Variants in THRB observed in about 807,000 individuals in gnomAD.
THRB encodes the protein thyroid hormone receptor beta, also known as nuclear receptor subfamily 1 group A member 2.
THRB carries 12 observed loss-of-function variants against 47.8 expected under a neutral mutation model. The observed-to-expected ratio is 0.25, with a 90% CI of 0.16 to 0.41. The LOEUF is 0.41. Among genes scored for constraint, THRB ranks in the 10% least tolerant of loss-of-function variants. The pLI, the probability that THRB is intolerant of heterozygous loss-of-function variation, is 1.00. For synonymous variants in THRB, 218 were observed against 212.2 expected, an observed-to-expected ratio of 1.03 and a Z score of -0.24; for missense variants, 348 against 589.2, an observed-to-expected ratio of 0.59 and a Z score of 4.24.
At chr3:24,343,612 C>T (rs2062823116) in intron 1 of THRB, among the ~76,000 whole-genome samples, 1 of 151,994 alleles carries the variant, frequency 6.6e-6, no homozygotes, top group Non-Finnish European at 1.5e-5. Context: ...AAACATAAAG[C>T]ATATATATCA....
intron 1 of THRB, among the ~76,000 whole-genome samples, chr3:24,392,937 C>T (rs2066686781): frequency 6.6e-6 from 1 of 152,048 alleles, no homozygotes; most frequent in Non-Finnish European, 1.5e-5. Flanking sequence ...TTTAAAAGGA[C>T]ATATATAATA....
intron 3 of THRB, among the ~76,000 whole-genome samples, chr3:24,231,511 AGT>A (rs1256037104): frequency 4.6e-5 from 7 of 152,134 alleles, no homozygotes; most frequent in African/African-American, 1.7e-4. Context: ...TCAGTATTTT[AGT>A]GTTACTGTTA....
chr3:24,394,157 G>C (rs1181906347), intron 1 of THRB, among the ~76,000 whole-genome samples: 1 of 152,106 alleles, frequency 6.6e-6, no homozygotes, highest in Non-Finnish European at 1.5e-5. Context: ...ATAAAATTCT[G>C]TGCCTATTTT....
chr3:24,495,130 T>TA (rs1213342842), upstream of THRB: 1 of 151,882 alleles, frequency 6.6e-6, no homozygotes, highest in African/African-American at 2.4e-5. Context: ...GGCGCTGTCT[T>TA]ACTCCGGGCC....
chr3:24,413,878 A>G (rs555599357), intron 1 of THRB, among the ~76,000 whole-genome samples: 1 of 151,974 alleles, frequency 6.6e-6, no homozygotes, highest in Non-Finnish European at 1.5e-5. Context: ...GGATGGATGA[A>G]GCTGGAAACC....
intron 1 of THRB, among the ~76,000 whole-genome samples, chr3:24,376,788 A>G (rs911511394): frequency 6.6e-5 from 10 of 152,150 alleles, no homozygotes; most frequent in African/African-American, 2.2e-4. Context: ...AACAAAACTC[A>G]TTACTCTTTA....
At chr3:24,247,603 C>T (rs146993349) in intron 3 of THRB, among the ~76,000 whole-genome samples, 2 of 152,208 alleles carry the variant, frequency 1.3e-5, no homozygotes, top group Non-Finnish European at 2.9e-5. Context: ...ATTTATATTG[C>T]CTTTTTACAC....
chr3:24,448,194 T>C (rs527350927), intron 1 of THRB, among the ~76,000 whole-genome samples: 8 of 152,264 alleles, frequency 5.3e-5, no homozygotes, highest in African/African-American at 1.9e-4. Context: ...TTGAGTTCTC[T>C]TGGTTTTCAC....
chr3:24,277,881 T>C (rs2054098498), intron 3 of THRB, among the ~76,000 whole-genome samples: 1 of 152,218 alleles, frequency 6.6e-6, no homozygotes, highest in East Asian at 1.9e-4. Flanking sequence ...CCCTTTGACA[T>C]TTATCAAATA....
At chr3:24,247,329 T>C (rs2050202153) in intron 3 of THRB, among the ~76,000 whole-genome samples, 1 of 152,226 alleles carries the variant, frequency 6.6e-6, no homozygotes, top group East Asian at 1.9e-4. Context: ...GAGTGCTTGC[T>C]ATGTTCTAAA....
At position 24,262,882 on chromosome 3, in the gene THRB, C is replaced by G. The variant is rs2052221121; in HGVS notation, c.-42-33881G>C. Among the ~76,000 whole-genome samples the G allele has an allele frequency of 1.3e-5, 2 of 151,942 alleles. 1 individual carries two copies. The highest frequency in any genetic ancestry group is 4.2e-4 in the South Asian group (2 of 4,818). ...TTCTATTTTGTTAATTACTCTATCTCTAGAAACTACAATGGTGCTGGGCAC... is the reference window on the plus strand; with the variant it reads ...TTCTATTTTGTTAATTACTCTATCTGTAGAAACTACAATGGTGCTGGGCAC... On this transcript the variant is annotated intron_variant, in intron 3 of 10. Transcript: ENST00000646209.
At chr3:24,406,045 T>C (rs1488609376) in intron 1 of THRB, among the ~76,000 whole-genome samples, 2 of 151,714 alleles carry the variant, frequency 1.3e-5, no homozygotes, top group East Asian at 3.9e-4. Context: ...ACTTTGATTT[T>C]TAAGTAGATA....
chr3:24,449,649 G>A (rs1057161431), intron 1 of THRB, among the ~76,000 whole-genome samples: 1 of 152,102 alleles, frequency 6.6e-6, no homozygotes, highest in Non-Finnish European at 1.5e-5. Context: ...AGGGATATGA[G>A]GGAAGATTTT....
rs1224823651 is a variant in THRB, at chr3:24,198,331, G to GCAC, written c.23-7998_23-7997insGTG. Reference sequence around the variant, plus strand: ...GCTATGGAAGCGTTATAGGTTATAGGACCTCACAGTGTTGGTGTGAAAGTA... The same window carrying GCAC: ...GCTATGGAAGCGTTATAGGTTATAGGCACACCTCACAGTGTTGGTGTGAAAGTA... On this transcript the variant is annotated intron_variant, in intron 4 of 10. Coordinates refer to ENST00000646209, the MANE Select transcript of THRB (RefSeq NM_001354712.2). 3.3e-5 allele frequency among the ~76,000 whole-genome samples: 5 copies of GCAC among 152,008 alleles called. No individual in the cohort carries two copies. The South Asian group carries it at 6.2e-4, about 19-fold the overall frequency.
chr3:24,209,830 AT>A (rs1257176005), intron 4 of THRB, among the ~76,000 whole-genome samples: 2 of 152,258 alleles, frequency 1.3e-5, no homozygotes, highest in Non-Finnish European at 2.9e-5. Flanking sequence ...TTAAAAAAAA[AT>A]GACATAATTT....
chr3:24,227,189 C>T (rs1287848491), intron 4 of THRB, among the ~76,000 whole-genome samples: 2 of 152,232 alleles, frequency 1.3e-5, no homozygotes, highest in Non-Finnish European at 2.9e-5. Context: ...ATAGCACCTG[C>T]TCTCACACTG....
chr3:24,137,647 A>G (rs371624206), intron 8 of THRB, among the ~76,000 whole-genome samples: 266 of 152,238 alleles, frequency 1.7e-3, no homozygotes, highest in African/African-American at 6.3e-3. Context: ...TGAAATGAGG[A>G]AGCAGAGGTA....
At chr3:24,451,715 T>C (rs2072675451) in intron 1 of THRB, among the ~76,000 whole-genome samples, 1 of 152,224 alleles carries the variant, frequency 6.6e-6, no homozygotes, top group African/African-American at 2.4e-5. Context: ...TCAGTCCATG[T>C]TGCAAGCACA....
intron 2 of THRB, among the ~76,000 whole-genome samples, chr3:24,322,308 TAC>T (rs1455035644): frequency 2.0e-5 from 3 of 152,216 alleles, no homozygotes; most frequent in African/African-American, 7.2e-5. Context: ...AAATTAAAAC[TAC>T]AGTTTCCATA....
Sources: allele counts gnomAD v4.1 joint callset (sites outside exome capture counted in the v4.1 genomes callset), GRCh38; gene constraint gnomAD v4.1.1; transcripts MANE v1.5; gene names NCBI Gene and HGNC (gene_info 2026-07-23, HGNC 2026-07-21).